FSTL4: variants seen among roughly 807,000 people sequenced by gnomAD.
FSTL4 encodes follistatin like 4, also known as follistatin-related protein 4.
Under a neutral mutation model 78.2 loss-of-function variants are expected in FSTL4, and 28 were observed. The ratio of observed to expected loss-of-function variants is 0.36; its 90% CI spans 0.27 to 0.49. FSTL4 has a LOEUF of 0.49. Among genes scored for constraint, FSTL4 ranks in the 20% least tolerant of loss-of-function variants. The probability of loss-of-function intolerance (pLI) is 0.98; values close to 1 mark genes in which losing one functional copy is unlikely to be tolerated. For missense variants in FSTL4, 922 were observed against 1,084.9 expected (o/e 0.85, Z 2.11); for synonymous variants, 422 against 440.5 (o/e 0.96, Z 0.53).
Position 133,316,603 on chromosome 5 carries a change from C to T in FSTL4, c.459G>A (p.Leu153=). ...GTGGCTGCAGACGGGTCTGGAGTGC[C>T]AGAAGGACATTCTTCAAGCGGGCGT... is the stretch of plus-strand genomic sequence containing the variant. ...AGYARLKNVL[L]ALQTRLQPLQ... Residue 153 remains leucine (L), a synonymous_variant, in exon 5 of 16, where the codon CTG becomes CTA. Transcript: ENST00000265342. 6.2e-7 allele frequency: 1 copy of T among 1,614,058 alleles called. No individual in the cohort carries two copies. Among genetic ancestry groups the T allele is most frequent in the Non-Finnish European group, 8.5e-7 (1 of 1,179,956 alleles).
At chr5:133,455,316 T>C (rs934476894) in intron 3 of FSTL4, among the ~76,000 whole-genome samples, 1 of 152,202 alleles carries the variant, frequency 6.6e-6, no homozygotes. Flanking sequence ...GGCAATTATC[T>C]TGAGAGGTAT....
At chr5:133,627,151 C>CTTTTTTTTTT in the FSTL4 span, among the ~76,000 whole-genome samples, 46 of 92,990 alleles carry the variant, frequency 4.9e-4, no homozygotes, top group Non-Finnish European at 6.4e-4. Flanking sequence ...CTCTGTGTCT[C>CTTTTTTTTTT]TTTTTTTTTT....
the FSTL4 span, among the ~76,000 whole-genome samples, chr5:133,763,470 C>T: frequency 0.017 from 2,572 of 152,258 alleles, 73 homozygotes; most frequent in African/African-American, 0.06. Flanking sequence ...ATCTGCATTA[C>T]AGATGAACCT....
the FSTL4 span, among the ~76,000 whole-genome samples, chr5:133,754,027 G>A: frequency 2.0e-5 from 3 of 152,180 alleles, no homozygotes; most frequent in Non-Finnish European, 2.9e-5. Context: ...ACCCAGGCAG[G>A]AAGCTCTGCT....
chr5:133,780,495 T>G, the FSTL4 span, among the ~76,000 whole-genome samples: 1 of 150,506 alleles, frequency 6.6e-6, no homozygotes, highest in Non-Finnish European at 1.5e-5. Context: ...TTGTCTCCTG[T>G]GTATTGTTGG....
At chr5:133,335,967 A>C (rs1754454842) in intron 4 of FSTL4, among the ~76,000 whole-genome samples, 1 of 152,218 alleles carries the variant, frequency 6.6e-6, no homozygotes, top group Admixed American at 6.5e-5. Context: ...AGTGGGAGAT[A>C]TTTATAACCA....
chr5:133,508,833 A>C (rs1758666537), intron 3 of FSTL4, among the ~76,000 whole-genome samples: 1 of 152,212 alleles, frequency 6.6e-6, no homozygotes, highest in South Asian at 2.1e-4. Flanking sequence ...GATCCTGTTT[A>C]AGCAAGGCTT....
rs1441331562 is a variant in FSTL4 at position 133,400,914 on chromosome 5, A to G, written c.233T>C (p.Leu78Pro). 6.2e-7 allele frequency: 1 copy of G among 1,613,664 alleles called. No individual in the cohort carries two copies. Among genetic ancestry groups the G allele is most frequent in the South Asian group, 1.1e-5 (1 of 91,082 alleles). ...TTCGGGCTCCCCTGTCTTCCTGCTG[A>G]GCACGCACCGGCTCCCTCGGCTGCA... ...KFCSRGSRCVLSRKTGEPECQ... is the reference protein window; with the variant it reads ...KFCSRGSRCVPSRKTGEPECQ... Residue 78 changes from leucine to proline, a missense_variant, in exon 4 of 16, where the codon CTC (leucine) becomes CCC (proline). Physicochemically the swap from Leu to Pro is moderately conservative, Grantham distance 98. Coordinates refer to ENST00000265342, the MANE Select transcript of FSTL4 (RefSeq NM_015082.2).
chr5:133,598,524 G>T (rs537692661), intron 2 of FSTL4, among the ~76,000 whole-genome samples: 2 of 152,006 alleles, frequency 1.3e-5, no homozygotes, highest in Non-Finnish European at 2.9e-5. Context: ...TACTGATAAC[G>T]TCTATAGGTG....
chr5:133,207,990 C>T (rs533621538), intron 14 of FSTL4: 1 of 152,284 alleles, frequency 6.6e-6, no homozygotes, highest in African/African-American at 2.4e-5. Flanking sequence ...TTAGTTACAG[C>T]TTGGTATCAG....
intron 11 of FSTL4, among the ~76,000 whole-genome samples, chr5:133,223,628 T>C (rs916546955): frequency 1.3e-5 from 2 of 152,172 alleles, no homozygotes; most frequent in Non-Finnish European, 2.9e-5. Context: ...CCATATGAAA[T>C]TGTCAATCTT....
At chr5:133,806,750 T>C in the FSTL4 span, among the ~76,000 whole-genome samples, 2 of 152,170 alleles carry the variant, frequency 1.3e-5, no homozygotes, top group African/African-American at 4.8e-5. Context: ...TGGTACCAAT[T>C]ACTGGTATTA....
chr5:133,375,647 G>A (rs1755416593), intron 4 of FSTL4, among the ~76,000 whole-genome samples: 1 of 152,074 alleles, frequency 6.6e-6, no homozygotes. Context: ...GCTACTTTGT[G>A]ATAAAAATGT....
intron 3 of FSTL4, among the ~76,000 whole-genome samples, chr5:133,536,978 T>C (rs1018350601): frequency 1.3e-5 from 2 of 152,152 alleles, no homozygotes; most frequent in Non-Finnish European, 1.5e-5. Context: ...CTATGAGAGG[T>C]TGCTCCTGGG....
In FSTL4 at chr5:133,239,073, G is replaced by A. The variant is rs923149532; in HGVS notation, c.895-5536C>T. Among the ~76,000 whole-genome samples, 38 of 152,192 alleles carry A rather than the reference G, an allele frequency of 2.5e-4. 1 individual carries two copies. The highest frequency in any genetic ancestry group is 9.2e-4 in the African/African-American group (38 of 41,458). On this transcript the variant is annotated intron_variant, in intron 7 of 15. Coordinates refer to ENST00000265342, the MANE Select transcript of FSTL4 (RefSeq NM_015082.2). Reference sequence around the variant, plus strand: ...GGTGGGCATGGGCTCGGCGGGCCCCGCACTCGGAGTGGCTGCCAGCCGGCA... The same window carrying A: ...GGTGGGCATGGGCTCGGCGGGCCCCACACTCGGAGTGGCTGCCAGCCGGCA...
chr5:133,292,963 T>G (rs1178949478), intron 6 of FSTL4, among the ~76,000 whole-genome samples: 1 of 152,274 alleles, frequency 6.6e-6, no homozygotes, highest in Non-Finnish European at 1.5e-5. Context: ...TTCTGAGAGA[T>G]AACAATGTTG....
chr5:133,465,815 G>A (rs1280667526), intron 3 of FSTL4, among the ~76,000 whole-genome samples: 5 of 152,246 alleles, frequency 3.3e-5, no homozygotes, highest in African/African-American at 7.2e-5. Flanking sequence ...CCCTGACAAA[G>A]CAGCATGCAA....
chr5:133,413,267 T>C (rs946243830), intron 3 of FSTL4, among the ~76,000 whole-genome samples: 3 of 152,132 alleles, frequency 2.0e-5, no homozygotes, highest in African/African-American at 7.2e-5. Context: ...TCAAATTCTC[T>C]TTATGTTTGT....
the FSTL4 span, among the ~76,000 whole-genome samples, chr5:133,711,351 C>G: frequency 1.3e-5 from 2 of 152,172 alleles, no homozygotes; most frequent in South Asian, 4.1e-4. Flanking sequence ...CAGCCTGACT[C>G]AGGAGCCTGC....
Sources: gnomAD v4.1 joint callset for allele counts (sites outside exome capture counted in the v4.1 genomes callset) on GRCh38, gnomAD v4.1.1 for gene constraint, MANE v1.5 for transcripts, NCBI Gene and HGNC (gene_info 2026-07-23, HGNC 2026-07-21) for gene names.